The following PCDHA9 variants were observed in gnomAD, a reference collection of about 807,000 sequenced individuals.
PCDHA9 encodes the protein protocadherin alpha-9.
Under a neutral mutation model 62.0 loss-of-function variants are expected in PCDHA9, and 62 were observed. The ratio of observed to expected loss-of-function variants is 1.00; its 90% confidence interval spans 0.81 to 1.23. The LOEUF is 1.23. Among genes scored for constraint, PCDHA9 ranks in the 50% most tolerant of loss-of-function variants. The probability of loss-of-function intolerance (pLI) is 0.00; values close to 1 mark genes in which losing one functional copy is unlikely to be tolerated. For synonymous variants in PCDHA9, 557 were observed against 567.6 expected, an observed-to-expected ratio of 0.98 and a Z score of 0.27; for missense variants, 1,205 against 1,249.8, an observed-to-expected ratio of 0.96 and a Z score of 0.54.
In PCDHA9 at chr5:140,985,229, G is replaced by T. The variant is rs903728570; in HGVS notation, c.2542+2666G>T. ...TGGGATTACAGGCGTGAGCCACCGC[G>T]CCTGGCCTAATCTTCTTACTCTTTT... On this transcript the variant is annotated intron_variant, in intron 3 of 3. Transcript: ENST00000532602. 3.9e-5 allele frequency among the ~76,000 whole-genome samples: 6 copies of T among 152,216 alleles called. No homozygotes were observed. The South Asian group carries it at 6.2e-4, about 16-fold the overall frequency.
intron 1 of PCDHA9, among the ~76,000 whole-genome samples, chr5:140,917,584 A>T (rs2153544569): frequency 6.6e-6 from 1 of 152,336 alleles, no homozygotes; most frequent in South Asian, 2.1e-4. Context: ...ATTTTTGTTC[A>T]TGCTGAAAGG....
rs782014250 is a variant in PCDHA9, at chr5:140,883,952, G to T, written c.2394+33063G>T. On this transcript the variant is annotated intron_variant, in intron 1 of 3. Transcript: ENST00000532602. The stretch of plus-strand genomic sequence containing the variant: ...GTTCGTGCTGGACGAGAACGACAAC[G>T]CTCCGGCGCTGCTGACGCCCGGGGC... 2.0e-5 allele frequency: 32 copies of T among 1,613,030 alleles called. No individual in the cohort carries two copies. The highest frequency in any genetic ancestry group is 2.6e-5 in the Non-Finnish European group (31 of 1,179,806).
intron 1 of PCDHA9, among the ~76,000 whole-genome samples, chr5:140,905,788 G>T (rs1217429620): frequency 2.6e-5 from 4 of 152,046 alleles, no homozygotes; most frequent in Non-Finnish European, 4.4e-5. Flanking sequence ...ATTAGTCAGG[G>T]TTCTCTAGAG....
chr5:140,941,214 C>CTTTCTTTCTTTCTTT (rs1554214039), intron 1 of PCDHA9, among the ~76,000 whole-genome samples: 5,375 of 122,186 alleles, frequency 0.044, 196 homozygotes, highest in South Asian at 0.066. Flanking sequence ...TTTCTTTCTT[C>CTTTCTTTCTTTCTTT]CTTTCTTTCT....
At position 140,950,241 on chromosome 5, in the gene PCDHA9, G is replaced by A. The variant is rs191139851; in HGVS notation, c.2395-28708G>A. 3.8e-4 allele frequency among the ~76,000 whole-genome samples: 58 copies of A among 152,014 alleles called. 1 individual carries two copies. The highest frequency in any genetic ancestry group is 6.8e-3 in the Middle Eastern group (2 of 294). On this transcript the variant is annotated intron_variant, in intron 1 of 3. Coordinates refer to ENST00000532602, the MANE Select transcript of PCDHA9 (RefSeq NM_031857.2). The stretch of plus-strand genomic sequence containing the variant: ...TTACCATTTCTAGTGCCATTAATTT[G>A]TTCCTAAAGAGCTGAGTTTATCCAT...
At position 140,850,017 on chromosome 5, in the gene PCDHA9, G is replaced by T. The variant is rs2150463566; in HGVS notation, c.1522G>T (p.Val508Leu). ...GGGCGAGCGCTCGCTGTCGAGCTAC[G>T]TGTCAGTGCACGCGGAGAGCGGCAA... is the stretch of plus-strand genomic sequence containing the variant. ...RLGERSLSSY[V>L]SVHAESGKVY... The change falls in exon 1 of 4, where the codon GTG becomes TTG. Residue 508 changes from valine (V) to leucine (L), a missense_variant. Val to Leu is a conservative substitution (Grantham distance 32). This residue lies in a region of PCDHA9 where 887 missense variants were observed against 809.5 expected (regional missense o/e 1.10). Transcript: ENST00000532602. The T allele has an allele frequency of 5.6e-6, 9 of 1,596,972 alleles. 2 individuals are homozygous for T. The highest frequency in any genetic ancestry group is 6.9e-6 in the Non-Finnish European group (8 of 1,167,832).
intron 3 of PCDHA9, among the ~76,000 whole-genome samples, chr5:140,999,235 T>C (rs1407252981): frequency 6.6e-6 from 1 of 152,154 alleles, no homozygotes; most frequent in Non-Finnish European, 1.5e-5. Context: ...GAATAGGTGG[T>C]TAAAGTGGGA....
In PCDHA9 at chr5:140,849,565, T is replaced by C. The variant is rs2040964471; in HGVS notation, c.1070T>C (p.Val357Ala). Residue 357 changes from valine to alanine, a missense_variant, in exon 1 of 4, where the codon GTT becomes GCT. Coordinates refer to ENST00000532602, the MANE Select transcript of PCDHA9 (RefSeq NM_031857.2). Reference sequence around the variant, plus strand: ...CAGTTGACTATCAAAACGCTCTCGGTTCCTGTAAAAGAGGACGCACAACTG... The same window carrying C: ...CAGTTGACTATCAAAACGCTCTCGGCTCCTGTAAAAGAGGACGCACAACTG... ...APQLTIKTLS[V>A]PVKEDAQLGT... 4 of 1,598,566 alleles carry C rather than the reference T, an allele frequency of 2.5e-6. No homozygotes were observed. Among genetic ancestry groups the C allele is most frequent in the South Asian group, 2.2e-5 (2 of 90,540 alleles).
In PCDHA9 at chr5:140,946,774, T is replaced by G. The variant is rs57013515; in HGVS notation, c.2395-32175T>G. On this transcript the variant is annotated intron_variant, in intron 1 of 3. Coordinates refer to ENST00000532602, the MANE Select transcript of PCDHA9 (RefSeq NM_031857.2). ...TGCATGATCTCATTCATGTGGAATGTAAAAAAGCTGATCTTATAGAAGCAG... is the reference window on the plus strand; with the variant it reads ...TGCATGATCTCATTCATGTGGAATGGAAAAAAGCTGATCTTATAGAAGCAG... Among the ~76,000 whole-genome samples, 481 of 151,404 alleles carry G rather than the reference T, an allele frequency of 3.2e-3. 2 individuals are homozygous for G. Among genetic ancestry groups the G allele is most frequent in the African/African-American group, 0.011 (462 of 41,264 alleles).
chr5:141,006,937 A>G (rs1341234151), intron 3 of PCDHA9, among the ~76,000 whole-genome samples: 1 of 152,206 alleles, frequency 6.6e-6, no homozygotes, highest in Non-Finnish European at 1.5e-5. Context: ...AACTGGGGAT[A>G]CCAGATAGGC....
At chr5:140,941,987 G>A (rs1315027422) in intron 1 of PCDHA9, among the ~76,000 whole-genome samples, 1 of 152,104 alleles carries the variant, frequency 6.6e-6, no homozygotes, top group Non-Finnish European at 1.5e-5. Flanking sequence ...ACCTTGATAA[G>A]GGATTCATAT....
intron 3 of PCDHA9, among the ~76,000 whole-genome samples, chr5:140,994,916 G>C (rs191112964): frequency 2.0e-5 from 3 of 152,332 alleles, no homozygotes; most frequent in Admixed American, 1.3e-4. Context: ...ACTGGAATCA[G>C]ATTTTGTAGG....
intron 1 of PCDHA9, chr5:140,875,686 G>A: frequency 6.2e-7 from 1 of 1,613,582 alleles, no homozygotes; most frequent in Non-Finnish European, 8.5e-7. Flanking sequence ...CAAAAGACAC[G>A]GGGACCTTCT....
At chr5:140,979,704 T>C (rs1430662594) in intron 2 of PCDHA9, among the ~76,000 whole-genome samples, 1 of 152,246 alleles carries the variant, frequency 6.6e-6, no homozygotes, top group Non-Finnish European at 1.5e-5. Context: ...TTTCTGGAGG[T>C]GATCCAGTAT....
intron 1 of PCDHA9, chr5:140,877,311 G>C (rs200978234): frequency 6.3e-5 from 101 of 1,613,852 alleles, no homozygotes; most frequent in Non-Finnish European, 7.9e-5. Context: ...AGTTGCAACC[G>C]GCGGCGGTCG....
intron 1 of PCDHA9, chr5:140,968,472 T>C (rs1554230782): frequency 6.2e-7 from 1 of 1,614,130 alleles, no homozygotes; most frequent in Non-Finnish European, 8.5e-7. Context: ...AACGTATATG[T>C]GGTGGACATG....
intron 1 of PCDHA9, among the ~76,000 whole-genome samples, chr5:140,886,521 C>A (rs1056353739): frequency 5.9e-5 from 9 of 152,038 alleles, no homozygotes; most frequent in African/African-American, 1.9e-4. Flanking sequence ...TTAAGGTCTG[C>A]ATATTCAGTT....
chr5:140,967,487 G>A lies in PCDHA9; in HGVS notation c.2395-11462G>A, dbSNP rs781929483. 60 of 1,613,172 alleles carry A rather than the reference G, an allele frequency of 3.7e-5. No individual in the cohort carries two copies. The highest frequency in any genetic ancestry group is 5.0e-5 in the Non-Finnish European group (59 of 1,179,674). ...GGGCATCCCAGCCCGCTCGGGTACG[G>A]CACAGATCTCTGTGCGTGTCCTGGA... On this transcript the variant is annotated intron_variant, in intron 1 of 3. Coordinates refer to ENST00000532602, the MANE Select transcript of PCDHA9 (RefSeq NM_031857.2).
intron 1 of PCDHA9, among the ~76,000 whole-genome samples, chr5:140,963,199 A>G (rs955651383): frequency 6.6e-6 from 1 of 152,092 alleles, no homozygotes; most frequent in Non-Finnish European, 1.5e-5. Flanking sequence ...TGAAAATGAA[A>G]AAAAAAACCT....
Sources: gnomAD v4.1 joint callset for allele counts (sites outside exome capture counted in the v4.1 genomes callset) on GRCh38, gnomAD v4.1.1 for gene constraint, gnomAD v4.1.1 regional missense constraint, MANE v1.5 for transcripts, NCBI Gene and HGNC (gene_info 2026-07-23, HGNC 2026-07-21) for gene names.